Variants in UBE3C observed in about 807,000 individuals in gnomAD.
UBE3C encodes the protein ubiquitin protein ligase E3C.
Under a neutral mutation model 129.4 loss-of-function variants are expected in UBE3C, and 42 were observed. The ratio of observed to expected loss-of-function variants is 0.32; its 90% CI spans 0.25 to 0.42. The LOEUF (loss-of-function observed/expected upper bound fraction) is 0.42. UBE3C is among the 10% of genes least tolerant of loss of function. UBE3C has a pLI of 1.00. For missense variants in UBE3C, 1,049 were observed against 1,319.1 expected (o/e 0.80, Z 3.17); for synonymous variants, 510 against 492.4 (o/e 1.04, Z -0.47).
intron 11 of UBE3C, among the ~76,000 whole-genome samples, chr7:157,203,825 G>T (rs1000086424): frequency 6.6e-6 from 1 of 152,104 alleles, no homozygotes; most frequent in African/African-American, 2.4e-5. Context: ...AGGTACAATG[G>T]GGCTTTGTCC....
intron 18 of UBE3C, among the ~76,000 whole-genome samples, chr7:157,246,305 C>G (rs1268106202): frequency 6.6e-6 from 1 of 152,212 alleles, no homozygotes; most frequent in African/African-American, 2.4e-5. Flanking sequence ...ACTCACTCCC[C>G]ACAGGAGCAG....
chr7:157,177,962 G>A (rs1808567541), intron 5 of UBE3C, among the ~76,000 whole-genome samples: 1 of 150,500 alleles, frequency 6.6e-6, no homozygotes, highest in Non-Finnish European at 1.5e-5. Flanking sequence ...AGGAAAAACA[G>A]CTGTAAAATA....
rs1413998050 is a variant in UBE3C at position 157,187,039 on chromosome 7, T to C, written c.1331+18T>C. 1 of 1,578,854 alleles carries C rather than the reference T, an allele frequency of 6.3e-7. No individual in the cohort carries two copies. The highest frequency in any genetic ancestry group is 1.8e-5 in the Admixed American group (1 of 54,304). ...AAAGTCAGGCAAGTGTCCGTGGGCG[T>C]CTGTGCCAGGGGGTGCCAGCCAGAG... On this transcript the variant is annotated intron_variant, in intron 10 of 22. Coordinates refer to ENST00000348165, the MANE Select transcript of UBE3C (RefSeq NM_014671.3).
intron 1 of UBE3C, among the ~76,000 whole-genome samples, chr7:157,162,513 G>A (rs1808099286): frequency 6.6e-6 from 1 of 150,936 alleles, no homozygotes; most frequent in Admixed American, 6.6e-5. Flanking sequence ...TTTTTGTAAT[G>A]ATTCATATAT....
intron 11 of UBE3C, among the ~76,000 whole-genome samples, chr7:157,204,310 T>C (rs1326243148): frequency 6.6e-6 from 1 of 150,974 alleles, no homozygotes; most frequent in Non-Finnish European, 1.5e-5. Flanking sequence ...AGAAGTATCA[T>C]CAGGGGAGCG....
intron 10 of UBE3C, among the ~76,000 whole-genome samples, chr7:157,199,050 T>C (rs1809204686): frequency 6.6e-6 from 1 of 152,338 alleles, no homozygotes; most frequent in Non-Finnish European, 1.5e-5. Flanking sequence ...AGAACTCATT[T>C]TTGTTTCTAT....
chr7:157,194,517 CTG>C (rs1416159971), intron 10 of UBE3C, among the ~76,000 whole-genome samples: 1 of 152,124 alleles, frequency 6.6e-6, no homozygotes, highest in African/African-American at 2.4e-5. Context: ...AAAAGTGGCT[CTG>C]GAATTAGGCA....
intron 14 of UBE3C, among the ~76,000 whole-genome samples, chr7:157,219,835 G>T (rs922941871): frequency 6.6e-6 from 1 of 151,950 alleles, no homozygotes; most frequent in Non-Finnish European, 1.5e-5. Context: ...GGAGGCAGAG[G>T]TTGCAGTGAG....
chr7:157,175,243 G>A (rs1480857758), intron 5 of UBE3C, among the ~76,000 whole-genome samples: 1 of 144,484 alleles, frequency 6.9e-6, no homozygotes, highest in East Asian at 2.1e-4. Flanking sequence ...CACATATTCA[G>A]TATCTTTCAG....
intron 16 of UBE3C, among the ~76,000 whole-genome samples, chr7:157,224,485 C>T (rs1480635583): frequency 2.6e-5 from 4 of 152,066 alleles, no homozygotes; most frequent in Non-Finnish European, 5.9e-5. Context: ...TGAGCCACCG[C>T]GCCCAGCCAC....
chr7:157,172,152 G>A lies in UBE3C; in HGVS notation c.342+1702G>A, dbSNP rs114059997. On this transcript the variant is annotated intron_variant, in intron 4 of 22. Coordinates refer to ENST00000348165, the MANE Select transcript of UBE3C (RefSeq NM_014671.3). The stretch of plus-strand genomic sequence containing the variant: ...GTTCAAGCGATTCTCCTACCTGAGC[G>A]CCCTGAGTAACTGGGGTTACAAGCT... Among the ~76,000 whole-genome samples, 1,153 of 151,452 alleles carry A rather than the reference G, an allele frequency of 7.6e-3. 17 individuals are homozygous for A. The highest frequency in any genetic ancestry group is 0.027 in the African/African-American group (1,103 of 41,212).
intron 5 of UBE3C, among the ~76,000 whole-genome samples, chr7:157,177,383 G>A (rs1402048837): frequency 6.6e-6 from 1 of 152,134 alleles, no homozygotes; most frequent in Non-Finnish European, 1.5e-5. Context: ...CCCGTCCAAG[G>A]CTGTCCCGAT....
rs192887486 is a variant in UBE3C at position 157,255,171 on chromosome 7, A to G, written c.2950+861A>G. On this transcript the variant is annotated intron_variant, in intron 21 of 22. Coordinates refer to ENST00000348165, the MANE Select transcript of UBE3C (RefSeq NM_014671.3). ...AACGTACATGGGCAAAAAAAACCAG[A>G]TGTTTAACATAGAAGATAGATAAAT... 4.7e-3 allele frequency among the ~76,000 whole-genome samples: 715 copies of G among 152,282 alleles called. 1 individual carries two copies. The highest frequency in any genetic ancestry group is 7.6e-3 in the Non-Finnish European group (514 of 68,018).
At chr7:157,259,395 C>T (rs1796838699) in intron 22 of UBE3C, among the ~76,000 whole-genome samples, 1 of 152,210 alleles carries the variant, frequency 6.6e-6, no homozygotes, top group African/African-American at 2.4e-5. Context: ...TGTGATGTCG[C>T]AGCCCCACCG....
chr7:157,199,069 A>G (rs1586682389), intron 10 of UBE3C, among the ~76,000 whole-genome samples: 1 of 152,356 alleles, frequency 6.6e-6, no homozygotes, highest in South Asian at 2.1e-4. Context: ...ATGTCTACAC[A>G]CAAGGGTCTG....
rs1372859076 is a variant in UBE3C at position 157,155,884 on chromosome 7, A to ATGGCCTCGGTC, written c.67-7925_67-7915dup. ...AGGGAGCGTGCACGCTGTCAGGACG[A>ATGGCCTCGGTC]TGGCCTCGGTCGTTTCAGAGACCCT... On this transcript the variant is annotated intron_variant, in intron 1 of 22. Transcript: ENST00000348165. Among the ~76,000 whole-genome samples, 5 of 152,302 alleles carry ATGGCCTCGGTC rather than the reference A, an allele frequency of 3.3e-5. No homozygotes were observed. In the South Asian group the frequency reaches 8.3e-4, roughly 25 times the overall value.
intron 18 of UBE3C, among the ~76,000 whole-genome samples, chr7:157,235,652 A>T (rs1796134336): frequency 6.6e-6 from 1 of 152,246 alleles, no homozygotes; most frequent in South Asian, 2.1e-4. Context: ...CCACAAATGA[A>T]GTTTATGTAA....
At chr7:157,183,707 A>G (rs563962763) in intron 8 of UBE3C, among the ~76,000 whole-genome samples, 171 bp from the exon 9 acceptor site, 43 of 152,366 alleles carry the variant, frequency 2.8e-4, no homozygotes, top group Admixed American at 2.1e-3. Flanking sequence ...GCTTTCTGAC[A>G]TGAACGGGGA....
intron 10 of UBE3C, chr7:157,198,125 A>G (rs1809175236): frequency 9.9e-6 from 16 of 1,612,620 alleles, no homozygotes; most frequent in Non-Finnish European, 1.3e-5. Context: ...TCAATTCTCC[A>G]TCATCTAAAC....
Sources: allele counts gnomAD v4.1 joint callset (sites outside exome capture counted in the v4.1 genomes callset), GRCh38; gene constraint gnomAD v4.1.1; transcripts MANE v1.5; gene names NCBI Gene and HGNC (gene_info 2026-07-23, HGNC 2026-07-21).